MEGF11: variants seen among roughly 807,000 people sequenced by gnomAD.
MEGF11 encodes multiple epidermal growth factor-like domains protein 11.
In MEGF11, 126 loss-of-function variants were observed where a neutral mutation model predicts 146.6. The ratio of observed to expected loss-of-function variants is 0.86; its 90% confidence interval spans 0.74 to 1.00. MEGF11 has a LOEUF of 1.00. MEGF11 is among the 50% of genes least tolerant of loss of function. MEGF11 has a pLI of 0.00. For synonymous variants in MEGF11, 532 were observed against 583.4 expected (o/e 0.91, Z 1.27); for missense variants, 1,509 against 1,521.2 (o/e 0.99, Z 0.13).
intron 11 of MEGF11, 146 bp from the exon 12 acceptor site, chr15:65,930,029 C>T: frequency 2.4e-6 from 2 of 828,308 alleles, no homozygotes; most frequent in Admixed American, 2.8e-5. Flanking sequence ...ACACAGAGTT[C>T]AGAAATACAA....
At chr15:66,182,217 C>G (rs1035652501) in intron 1 of MEGF11, among the ~76,000 whole-genome samples, 1 of 152,164 alleles carries the variant, frequency 6.6e-6, no homozygotes, top group South Asian at 2.1e-4. Context: ...TACCCCTCCA[C>G]GGGCCTGCTC....
rs2092302779 is a variant in MEGF11, at chr15:66,246,834, T to C, written c.-9+6771A>G. On this transcript the variant is annotated intron_variant, in intron 1 of 25. Transcript: ENST00000395614. The stretch of plus-strand genomic sequence containing the variant: ...CTCAAAACTAATAATAATAATAATA[T>C]CTAATCAGGAGATGAAACGTGGCTT... Among the ~76,000 whole-genome samples the C allele has an allele frequency of 4.0e-5, 6 of 151,830 alleles. No individual in the cohort carries two copies. In the South Asian group the frequency reaches 1.2e-3, roughly 32 times the overall value.
At chr15:66,117,305 T>C (rs535507829) in intron 4 of MEGF11, among the ~76,000 whole-genome samples, 1 of 152,222 alleles carries the variant, frequency 6.6e-6, no homozygotes, top group Admixed American at 6.5e-5. Context: ...AAGTCTTTCA[T>C]CCTGAAAGTG....
chr15:65,983,070 C>A (rs1161864841), intron 5 of MEGF11, among the ~76,000 whole-genome samples: 2 of 152,188 alleles, frequency 1.3e-5, no homozygotes, highest in African/African-American at 4.8e-5. Flanking sequence ...CTCTAACTCC[C>A]TGCCCCTCCC....
intron 5 of MEGF11, among the ~76,000 whole-genome samples, chr15:66,006,692 A>G (rs1372936354): frequency 1.3e-5 from 2 of 152,218 alleles, no homozygotes; most frequent in African/African-American, 4.8e-5. Context: ...TCTATATCCC[A>G]GGAATAAGAG....
chr15:66,123,804 C>A, intron 3 of MEGF11, 95 bp downstream of exon 3: 2 of 964,026 alleles, frequency 2.1e-6, no homozygotes, highest in Non-Finnish European at 3.3e-6. Flanking sequence ...CGCGTGACAA[C>A]ATCTGCTCCA....
At chr15:66,237,966 C>T (rs748389852) in intron 1 of MEGF11, among the ~76,000 whole-genome samples, 17 of 152,132 alleles carry the variant, frequency 1.1e-4, no homozygotes, top group Non-Finnish European at 1.9e-4. Context: ...TGTATTTGCA[C>T]GGTAATAGAG....
intron 5 of MEGF11, among the ~76,000 whole-genome samples, chr15:66,029,620 G>A (rs917500415): frequency 2.4e-4 from 37 of 152,210 alleles, no homozygotes; most frequent in African/African-American, 8.0e-4. Context: ...TTCCCCTGAG[G>A]GGCGCAGACC....
At chr15:65,922,559 A>G (rs2141257784) in intron 14 of MEGF11, 87 bp from the exon 15 acceptor site, 1 of 1,454,114 alleles carries the variant, frequency 6.9e-7, no homozygotes, top group South Asian at 1.4e-5. Context: ...TCTCAGAAAC[A>G]TGGGGAGACC....
rs1395894699 is a variant in MEGF11, at chr15:66,052,358, CCA to C, written c.394+42042_394+42043del. On this transcript the variant is annotated intron_variant, in intron 5 of 25. Coordinates refer to ENST00000395614, the MANE Select transcript of MEGF11 (RefSeq NM_001385028.1). ...ACTTCCCCTGTTACTCTGGTATGGGCCACAGTCAAGGAGCTCCACAGAAGGGA... is the reference window on the plus strand; with the variant it reads ...ACTTCCCCTGTTACTCTGGTATGGGCCAGTCAAGGAGCTCCACAGAAGGGA... Among the ~76,000 whole-genome samples the C allele has an allele frequency of 5.3e-5, 8 of 152,204 alleles. 1 individual carries two copies. The highest frequency in any genetic ancestry group is 1.9e-4 in the African/African-American group (8 of 41,514).
At chr15:65,967,911 C>T (rs978856662) in intron 8 of MEGF11, among the ~76,000 whole-genome samples, 2 of 152,178 alleles carry the variant, frequency 1.3e-5, no homozygotes, top group East Asian at 1.9e-4. Flanking sequence ...GGCCCCAGAG[C>T]CTGTCCCCAG....
At chr15:66,077,182 C>A (rs1477095734) in intron 5 of MEGF11, among the ~76,000 whole-genome samples, 4 of 152,212 alleles carry the variant, frequency 2.6e-5, no homozygotes, top group African/African-American at 9.7e-5. Flanking sequence ...CCTCTGGGTG[C>A]CTCCGCTTCA....
chr15:66,221,514 G>A (rs80253188), intron 1 of MEGF11, among the ~76,000 whole-genome samples: 6,027 of 151,730 alleles, frequency 0.04, 368 homozygotes, highest in African/African-American at 0.14. Context: ...TCAGACCACC[G>A]GCTCCTAAGG....
chr15:66,198,174 T>C lies in MEGF11; in HGVS notation c.-9+55431A>G, dbSNP rs377650795. Among the ~76,000 whole-genome samples the C allele has an allele frequency of 2.0e-5, 3 of 152,212 alleles. No homozygotes were observed. The South Asian group carries it at 6.2e-4, about 32-fold the overall frequency. ...GTGAAGACTACCTACCATGTGAACT[T>C]GACAGTCTCAAATAAAAGCAGAGAA... is the stretch of plus-strand genomic sequence containing the variant. On this transcript the variant is annotated intron_variant, in intron 1 of 25. Transcript: ENST00000395614.
At chr15:65,905,063 T>G (rs574895203) in intron 24 of MEGF11, among the ~76,000 whole-genome samples, 1 of 152,296 alleles carries the variant, frequency 6.6e-6, no homozygotes, top group East Asian at 1.9e-4. Flanking sequence ...TGGCTAATTT[T>G]TGTATGTTTA....
chr15:66,230,160 A>C (rs1235911508), intron 1 of MEGF11, among the ~76,000 whole-genome samples: 1 of 152,130 alleles, frequency 6.6e-6, no homozygotes, highest in East Asian at 1.9e-4. Context: ...CTCACAAACT[A>C]GCTGGGTAGA....
At chr15:66,237,442 T>G (rs577815226) in intron 1 of MEGF11, among the ~76,000 whole-genome samples, 1 of 152,322 alleles carries the variant, frequency 6.6e-6, no homozygotes, top group African/African-American at 2.4e-5. Flanking sequence ...CATCTGCTGT[T>G]ATCTCTAATT....
intron 13 of MEGF11, among the ~76,000 whole-genome samples, chr15:65,925,541 T>C (rs538575572): frequency 4.6e-4 from 70 of 152,354 alleles, no homozygotes; most frequent in Non-Finnish European, 7.5e-4. Flanking sequence ...GGGGCTGGCC[T>C]TGGCCTTTGT....
intron 23 of MEGF11, 43 bp from the exon 24 acceptor site, chr15:65,906,184 G>A (rs1389958820): frequency 4.1e-6 from 6 of 1,461,126 alleles, no homozygotes; most frequent in Non-Finnish European, 5.7e-6. Context: ...ATGGGGGTGA[G>A]GTTTACTTAG....
Sources: gnomAD v4.1 joint callset for allele counts (sites outside exome capture counted in the v4.1 genomes callset) on GRCh38, gnomAD v4.1.1 for gene constraint, MANE v1.5 for transcripts, NCBI Gene and HGNC (gene_info 2026-07-23, HGNC 2026-07-21) for gene names.